PKHD1: variants seen among roughly 807,000 people sequenced by gnomAD.
PKHD1 encodes the protein fibrocystin.
PKHD1 carries 291 observed loss-of-function variants against 412.0 expected under a neutral mutation model. The observed-to-expected ratio is 0.71, with a 90% confidence interval of 0.64 to 0.78. The LOEUF (loss-of-function observed/expected upper bound fraction) is 0.78, where lower values mean the gene tolerates loss of function less well. Ranked by LOEUF, PKHD1 falls within the 30% of genes least tolerant of loss-of-function variation. The pLI is 0.00. For missense variants in PKHD1, 4,825 were observed against 4,950.7 expected (o/e 0.97, Z 0.76); for synonymous variants, 1,777 against 1,821.5 (o/e 0.98, Z 0.62).
intron 52 of PKHD1, among the ~76,000 whole-genome samples, chr6:51,828,141 A>C (rs2151494158): frequency 6.6e-6 from 1 of 152,236 alleles, no homozygotes; most frequent in South Asian, 2.1e-4. Context: ...ATTCAGTATA[A>C]TATATAGTCT....
intron 37 of PKHD1, among the ~76,000 whole-genome samples, chr6:51,915,894 G>A (rs1449445660): frequency 6.6e-6 from 1 of 152,026 alleles, no homozygotes; most frequent in Non-Finnish European, 1.5e-5. Context: ...AAGCAGAACT[G>A]CTAAAAAGGG....
intron 52 of PKHD1, among the ~76,000 whole-genome samples, chr6:51,795,560 C>A (rs1475268679): frequency 6.6e-6 from 1 of 152,196 alleles, no homozygotes; most frequent in Non-Finnish European, 1.5e-5. Context: ...ACTTCCAATA[C>A]TATGTTGAAT....
Position 51,638,891 on chromosome 6 carries a change from C to G in PKHD1, c.11464G>C (p.Gly3822Arg). ...SFYNLAVLISGSNWHFIFTVT... is the reference protein window; with the variant it reads ...SFYNLAVLISRSNWHFIFTVT... ...GTAAAAATAAAGTGCCAGTTTGACC[C>G]AGAGATCAAGACTGCCAAGTTGTAG... The change falls in exon 64 of 67, where the codon GGG becomes CGG. Residue 3822 changes from glycine to arginine, a missense_variant. By Grantham distance (125) the Gly-to-Arg change is moderately radical. Coordinates refer to ENST00000371117, the MANE Select transcript of PKHD1 (RefSeq NM_138694.4). 2 of 1,613,326 alleles carry G rather than the reference C, an allele frequency of 1.2e-6. No homozygotes were observed. Among genetic ancestry groups the G allele is most frequent in the East Asian group, 2.2e-5 (1 of 44,842 alleles).
At chr6:51,796,885 A>G (rs1175773389) in intron 52 of PKHD1, among the ~76,000 whole-genome samples, 2 of 148,594 alleles carry the variant, frequency 1.3e-5, no homozygotes, top group African/African-American at 5.0e-5. Flanking sequence ...GGGGTGTGAT[A>G]TCAGCTCAGT....
chr6:51,989,935 AGAAGGAAGGAAGAAAG>A (rs1796768206), intron 35 of PKHD1, among the ~76,000 whole-genome samples: 6 of 23,304 alleles, frequency 2.6e-4, no homozygotes, highest in South Asian at 2.7e-3. Context: ...AAGGAAGGAA[AGAAGGAAGGAAGAAAG>A]GAAGGAAAGA....
In PKHD1 at chr6:51,659,724, T is replaced by C. The variant is rs748863662; in HGVS notation, c.10402A>G (p.Ile3468Val). The C allele has an allele frequency of 2.0e-5, 33 of 1,613,732 alleles. No individual in the cohort carries two copies. The Admixed American group carries it at 4.2e-4, about 20-fold the overall frequency. Reference sequence around the variant, plus strand: ...TGATCCATGAAGCAGACTTTGGTGATTTGCCTGATGGGTAAGATAGAATAG... The same window carrying C: ...TGATCCATGAAGCAGACTTTGGTGACTTGCCTGATGGGTAAGATAGAATAG... ...TFYSILPIRQITKVCFMDQTP... is the reference protein window; with the variant it reads ...TFYSILPIRQVTKVCFMDQTP... Residue 3468 changes from isoleucine (I) to valine (V), a missense_variant, in exon 61 of 67, where the codon ATC becomes GTC. By Grantham distance (29) the Ile-to-Val change is conservative (BLOSUM62 3). Coordinates refer to ENST00000371117, the MANE Select transcript of PKHD1 (RefSeq NM_138694.4).
chr6:52,010,310 T>G lies in PKHD1; in HGVS notation c.5750A>C (p.Gln1917Pro). ...TCTGTAAAAAAGATTTGATTATACC[T>G]GAGTGTTCTGGCCCCAGCGTTTCCG... The part of the protein sequence containing the change: ...EIRKRWGQNT[Q>P]GNFSLQFCRR... Residue 1917 changes from glutamine to proline, a missense_variant and splice_region_variant, in exon 35 of 67, where the codon CAG becomes CCG. Coordinates refer to ENST00000371117, the MANE Select transcript of PKHD1 (RefSeq NM_138694.4). 4 of 1,613,398 alleles carry G rather than the reference T, an allele frequency of 2.5e-6. No individual in the cohort carries two copies. The highest frequency in any genetic ancestry group is 3.4e-6 in the Non-Finnish European group (4 of 1,179,420).
At chr6:51,764,295 C>CA (rs1788570718) in intron 55 of PKHD1, among the ~76,000 whole-genome samples, 1 of 148,718 alleles carries the variant, frequency 6.7e-6, no homozygotes, top group Non-Finnish European at 1.5e-5. Context: ...TTTATGCAGC[C>CA]AAAAAACACA....
intron 52 of PKHD1, among the ~76,000 whole-genome samples, chr6:51,808,190 T>C (rs1764137758): frequency 1.3e-5 from 2 of 152,160 alleles, no homozygotes; most frequent in Admixed American, 1.3e-4. Context: ...GCACACATAG[T>C]GTACAATTTG....
Position 52,050,299 on chromosome 6 carries a change from G to A in PKHD1, c.2141-4C>T. 1 of 1,614,070 alleles carries A rather than the reference G, an allele frequency of 6.2e-7. No homozygotes were observed. The highest frequency in any genetic ancestry group is 8.5e-7 in the Non-Finnish European group (1 of 1,179,948). ...GTTCCAGAATCAGCTTGAGAAACTA[G>A]AGACCAGTGATCCAATTACTATCAA... On this transcript the variant is annotated splice_polypyrimidine_tract_variant and splice_region_variant and intron_variant, in intron 21 of 66. Transcript: ENST00000371117.
At chr6:51,817,251 A>T (rs1454254938) in intron 52 of PKHD1, among the ~76,000 whole-genome samples, 2 of 152,088 alleles carry the variant, frequency 1.3e-5, no homozygotes, top group African/African-American at 2.4e-5. Context: ...ACTACAGGTG[A>T]TCTTGCTAAA....
intron 39 of PKHD1, 116 bp downstream of exon 39, chr6:51,911,683 A>G: frequency 1.1e-6 from 1 of 924,470 alleles, no homozygotes; most frequent in Non-Finnish European, 1.7e-6. Flanking sequence ...TGGGCATCCA[A>G]AGTTTAAGGG....
chr6:52,010,373 G>GT lies in PKHD1; in HGVS notation c.5686dup (p.Thr1896AsnfsTer12). The GT allele has an allele frequency of 6.2e-7, 1 of 1,612,824 alleles. No homozygotes were observed. Among genetic ancestry groups the GT allele is most frequent in the Middle Eastern group, 1.7e-4 (1 of 6,050 alleles). On this transcript the variant is annotated frameshift_variant, in exon 35 of 67. Coordinates refer to ENST00000371117, the MANE Select transcript of PKHD1 (RefSeq NM_138694.4). LOFTEE classifies it high-confidence loss of function. ...CTTGACGGTAATTGGCTGATTGGGCGTCTCACACTCCATCTCTGCCTCAGT... is the reference window on the plus strand; with the variant it reads ...CTTGACGGTAATTGGCTGATTGGGCGTTCTCACACTCCATCTCTGCCTCAGT...
intron 48 of PKHD1, among the ~76,000 whole-genome samples, chr6:51,859,122 T>C (rs1583068981): frequency 6.6e-6 from 1 of 152,168 alleles, no homozygotes; most frequent in Non-Finnish European, 1.5e-5. Context: ...TTTTTAAAAA[T>C]AGTTTTAACT....
Position 52,025,213 on chromosome 6 carries a change from C to T in PKHD1, c.4597G>A (p.Ala1533Thr). The change falls in exon 32 of 67, where the codon GCA (alanine) becomes ACA (threonine). Residue 1533 changes from alanine (A) to threonine (T), a missense_variant. Transcript: ENST00000371117. ...QLPCNVTFFN[A>T]SHVVCQTRDL... ...CTTGTCTGGCACACAACGTGGCTTG[C>T]ATTAAAAAAAGTTACATTGCAAGGA... is the stretch of plus-strand genomic sequence containing the variant. 2 of 1,614,150 alleles carry T rather than the reference C, an allele frequency of 1.2e-6. No individual in the cohort carries two copies. The highest frequency in any genetic ancestry group is 1.3e-5 in the African/African-American group (1 of 75,044).
At chr6:51,912,602 C>G (rs779127048) in intron 37 of PKHD1, 26 bp from the exon 38 acceptor site, 6 of 1,469,464 alleles carry the variant, frequency 4.1e-6, no homozygotes, top group Non-Finnish European at 5.7e-6. Flanking sequence ...GAAAAGTTGT[C>G]CAGATAATTT....
chr6:51,736,383 A>C (rs1365910054), intron 60 of PKHD1, among the ~76,000 whole-genome samples: 1 of 152,152 alleles, frequency 6.6e-6, no homozygotes, highest in Non-Finnish European at 1.5e-5. Context: ...GCAAGTCATG[A>C]GGGAGTGACA....
At chr6:52,067,534 C>T (rs1809920848) in intron 11 of PKHD1, among the ~76,000 whole-genome samples, 1 of 152,018 alleles carries the variant, frequency 6.6e-6, no homozygotes, top group African/African-American at 2.4e-5. Flanking sequence ...TCATTTAATA[C>T]CTTGGGTCGG....
At chr6:51,885,633 C>T (rs1274360846) in intron 45 of PKHD1, among the ~76,000 whole-genome samples, 1 of 152,070 alleles carries the variant, frequency 6.6e-6, no homozygotes, top group Non-Finnish European at 1.5e-5. Flanking sequence ...CCAAAAACAC[C>T]CAATGGAGAA....
Sources: gnomAD v4.1 joint callset for allele counts (sites outside exome capture counted in the v4.1 genomes callset) on GRCh38, gnomAD v4.1.1 for gene constraint, MANE v1.5 for transcripts, NCBI Gene and HGNC (gene_info 2026-07-23, HGNC 2026-07-21) for gene names.